Variants in EML6 observed in about 807,000 individuals in gnomAD.
The protein encoded by EML6 is EMAP like 6, also known as echinoderm microtubule-associated protein-like 6.
A neutral mutation model predicts 240.1 loss-of-function variants in EML6; 154 were observed. The ratio of observed to expected loss-of-function variants is 0.64; its 90% CI spans 0.56 to 0.73. The LOEUF is 0.73. Ranked by LOEUF, EML6 falls within the 30% of genes least tolerant of loss-of-function variation. The probability of loss-of-function intolerance (pLI) is 0.00; values close to 1 mark genes in which losing one functional copy is unlikely to be tolerated. For missense variants in EML6, 2,964 were observed against 2,474.6 expected (o/e 1.20, Z -4.20); for synonymous variants, 1,148 against 899.0 (o/e 1.28, Z -4.95).
intron 2 of EML6, among the ~76,000 whole-genome samples, chr2:54,729,724 G>A (rs1683072081): frequency 6.6e-6 from 1 of 152,232 alleles, no homozygotes; most frequent in African/African-American, 2.4e-5. Flanking sequence ...TAACCAGAAG[G>A]TAGTAGATTG....
intron 2 of EML6, among the ~76,000 whole-genome samples, chr2:54,769,011 G>A (rs537481612): frequency 1.6e-4 from 25 of 152,260 alleles, no homozygotes; most frequent in Non-Finnish European, 2.5e-4. Context: ...TCAGCTTTCA[G>A]TGGAAAGCTG....
rs1239082611 is a variant in EML6 at position 54,869,258 on chromosome 2, C to T, written c.2129C>T (p.Ala710Val). The change falls in exon 15 of 42, where the codon GCT (alanine) becomes GTT (valine). Residue 710 changes from alanine (A) to valine (V), a missense_variant. Transcript: ENST00000356458. ...GTAGTCTACCACATTGCTGCAGTTG[C>T]TGTCGTGTATAATCGGCAGCAGCAC... ...GEVVYHIAAVAVVYNRQQHSQ... is the reference protein window; with the variant it reads ...GEVVYHIAAVVVVYNRQQHSQ... The T allele has an allele frequency of 1.3e-6, 2 of 1,551,622 alleles. No homozygotes were observed. Among genetic ancestry groups the T allele is most frequent in the South Asian group, 1.2e-5 (1 of 84,050 alleles).
At chr2:54,892,770 A>T (rs1430733638) in intron 19 of EML6, 114 bp downstream of exon 19, 2 of 731,956 alleles carry the variant, frequency 2.7e-6, no homozygotes, top group Non-Finnish European at 4.4e-6. Context: ...CTGAATTAGG[A>T]AGTAGTTGTC....
At chr2:54,899,977 CA>C (rs1672970152) in intron 22 of EML6, among the ~76,000 whole-genome samples, 195 bp downstream of exon 22, 1 of 152,168 alleles carries the variant, frequency 6.6e-6, no homozygotes, top group Non-Finnish European at 1.5e-5. Flanking sequence ...TGGCCTAATC[CA>C]GCTCCATTTT....
chr2:54,964,790 A>G, intron 38 of EML6, 57 bp downstream of exon 38: 3 of 1,494,514 alleles, frequency 2.0e-6, no homozygotes, highest in South Asian at 2.5e-5. Flanking sequence ...AGTAATAACA[A>G]TGGCCTATAT....
chr2:54,725,021 CGGCGCGCGGGGGGGCGGG>C lies in EML6; in HGVS notation c.-38_-21del. On this transcript the variant is annotated 5_prime_UTR_variant, in exon 2 of 42. Transcript: ENST00000356458. The surrounding 1 kb of genome is among the most constrained non-coding windows in gnomAD (Gnocchi z 4.3). Reference sequence around the variant, plus strand: ...GCCCCAGCCTCGGCGAGGACGGCCCCGGCGCGCGGGGGGGCGGGGGGCGCGCGGGGTCGGCTTATCATG... The same window carrying C: ...GCCCCAGCCTCGGCGAGGACGGCCCCGGGCGCGCGGGGTCGGCTTATCATG... The C allele has an allele frequency of 6.9e-7, 1 of 1,459,352 alleles. No individual in the cohort carries two copies. The highest frequency in any genetic ancestry group is 1.4e-5 in the South Asian group (1 of 73,242). The allele number at this position is 1,459,352 out of a possible 1,614,324, so 90.4% of individuals were successfully genotyped here.
intron 6 of EML6, among the ~76,000 whole-genome samples, chr2:54,828,439 A>T (rs1668704563): frequency 6.6e-6 from 1 of 152,240 alleles, no homozygotes; most frequent in Admixed American, 6.5e-5. Flanking sequence ...GTAAAAGGCA[A>T]AGCCTATCAT....
At chr2:54,796,644 CTG>C (rs1393852195) in intron 2 of EML6, among the ~76,000 whole-genome samples, 1 of 152,014 alleles carries the variant, frequency 6.6e-6, no homozygotes, top group Admixed American at 6.5e-5. Context: ...ACTTAAGTGA[CTG>C]TTAGTTCAGT....
In EML6 at chr2:54,789,226, C is replaced by G. The variant is rs1474378626; in HGVS notation, c.198-24006C>G. The stretch of plus-strand genomic sequence containing the variant: ...TATGGTGACCTTTAGAAAGAATGTG[C>G]TTTCCGGCCGGGCGCGGTGGCTCAC... On this transcript the variant is annotated intron_variant, in intron 2 of 41. Transcript: ENST00000356458. Among the ~76,000 whole-genome samples, 5 of 151,256 alleles carry G rather than the reference C, an allele frequency of 3.3e-5. No homozygotes were observed. The South Asian group carries it at 1.0e-3, about 31-fold the overall frequency.
At chr2:54,829,648 A>G (rs1404838565) in intron 7 of EML6, among the ~76,000 whole-genome samples, 171 bp downstream of exon 7, 1 of 152,240 alleles carries the variant, frequency 6.6e-6, no homozygotes, top group Non-Finnish European at 1.5e-5. Flanking sequence ...CCTAATTCGC[A>G]CAAATGCATC....
In EML6 at chr2:54,958,142, C is replaced by T. The variant is rs932050884; in HGVS notation, c.4695+144C>T. 4.5e-6 allele frequency: 3 copies of T among 668,960 alleles called. No individual in the cohort carries two copies. In the South Asian group the frequency reaches 5.9e-5, roughly 13 times the overall value. 41.4% of individuals were successfully genotyped at this position (668,960 alleles called of 1,614,324 possible). A position where few individuals can be genotyped will look rare whatever the true frequency, so the allele number is the denominator to read the frequency against. On this transcript the variant is annotated intron_variant, in intron 33 of 41. Transcript: ENST00000356458. ...ATTCGCTCCTGTACTGGCTTATCTG[C>T]AACCACTGTTCCTTTTCTGTAGCAC...
At chr2:54,783,452 C>A (rs1290992613) in intron 2 of EML6, among the ~76,000 whole-genome samples, 2 of 152,096 alleles carry the variant, frequency 1.3e-5, no homozygotes, top group Non-Finnish European at 2.9e-5. Context: ...TTGTACACAG[C>A]CTTTAAAAGT....
At chr2:54,913,081 T>G (rs1461717825) in intron 25 of EML6, among the ~76,000 whole-genome samples, 1 of 151,488 alleles carries the variant, frequency 6.6e-6, no homozygotes, top group Non-Finnish European at 1.5e-5. Context: ...GTTTTTTTTT[T>G]TTTTTTTTTT....
chr2:54,908,059 G>T (rs1673442423), intron 24 of EML6, among the ~76,000 whole-genome samples: 1 of 152,036 alleles, frequency 6.6e-6, no homozygotes, highest in Admixed American at 6.6e-5. Flanking sequence ...TCATGCTTAA[G>T]AAACATGTAT....
chr2:54,948,506 G>A (rs1675803378), intron 28 of EML6, among the ~76,000 whole-genome samples: 1 of 152,218 alleles, frequency 6.6e-6, no homozygotes, highest in Admixed American at 6.5e-5. Context: ...AGGTCAGCAA[G>A]TCCAGGAAAT....
chr2:54,857,442 T>A (rs1385026695), intron 11 of EML6, among the ~76,000 whole-genome samples: 1 of 152,114 alleles, frequency 6.6e-6, no homozygotes, highest in Non-Finnish European at 1.5e-5. Flanking sequence ...ATTCAAGAAG[T>A]GTTCGTTAAA....
In EML6 at chr2:54,895,268, C is replaced by G; in HGVS notation, c.2855-5C>G. ...TTGTGTTAAATATACCATCCCCTTCCCCAGGCTTGCTTTTGGAAGATAACC... is the reference window on the plus strand; with the variant it reads ...TTGTGTTAAATATACCATCCCCTTCGCCAGGCTTGCTTTTGGAAGATAACC... On this transcript the variant is annotated splice_region_variant and splice_polypyrimidine_tract_variant and intron_variant, in intron 20 of 41. Coordinates refer to ENST00000356458, the MANE Select transcript of EML6 (RefSeq NM_001039753.4). The G allele has an allele frequency of 6.4e-7, 1 of 1,551,510 alleles. No individual in the cohort carries two copies. The highest frequency in any genetic ancestry group is 8.7e-7 in the Non-Finnish European group (1 of 1,146,826).
chr2:54,763,479 C>A (rs1426243790), intron 2 of EML6, among the ~76,000 whole-genome samples: 1 of 152,172 alleles, frequency 6.6e-6, no homozygotes, highest in African/African-American at 2.4e-5. Flanking sequence ...AAGATATACT[C>A]AGAGAAGTAT....
At chr2:54,875,917 T>A (rs1671483382) in intron 16 of EML6, among the ~76,000 whole-genome samples, 1 of 152,174 alleles carries the variant, frequency 6.6e-6, no homozygotes, top group South Asian at 2.1e-4. Context: ...AATACTGATT[T>A]CCATAAGGGC....
Sources: allele counts gnomAD v4.1 joint callset (sites outside exome capture counted in the v4.1 genomes callset), GRCh38; gene constraint gnomAD v4.1.1; non-coding constraint Gnocchi (gnomAD v3.1); transcripts MANE v1.5; gene names NCBI Gene and HGNC (gene_info 2026-07-23, HGNC 2026-07-21).